Variants in GPT2 observed in about 807,000 individuals in gnomAD.
The protein encoded by GPT2 is alanine aminotransferase 2.
In GPT2, 30 loss-of-function variants were observed where a neutral mutation model predicts 56.9. The observed-to-expected ratio is 0.53, with a 90% confidence interval of 0.39 to 0.72. GPT2 has a LOEUF of 0.72. Ranked by LOEUF, GPT2 falls within the 30% of genes least tolerant of loss-of-function variation. GPT2 has a pLI of 0.00. For missense variants in GPT2, 542 were observed against 703.4 expected (o/e 0.77, Z 2.60); for synonymous variants, 271 against 283.1 (o/e 0.96, Z 0.43).
Position 46,930,078 on chromosome 16 carries a change from G to A in GPT2, c.*1081G>A, listed in dbSNP as rs1244295678. The A allele has an allele frequency of 1.3e-5, 2 of 153,172 alleles. No individual in the cohort carries two copies. Among genetic ancestry groups the A allele is most frequent in the Non-Finnish European group, 1.5e-5 (1 of 68,124 alleles). The allele number at this position is 153,172 out of a possible 1,614,324, so 9.5% of individuals were successfully genotyped here. ...CTTGGCTGCCGTGGAGGAGTCAGTC[G>A]TGGTTGGAGGTTCATTGCCGTGCTT... On this transcript the variant is annotated 3_prime_UTR_variant, in exon 12 of 12. Coordinates refer to ENST00000340124, the MANE Select transcript of GPT2 (RefSeq NM_133443.4).
intron 3 of GPT2, among the ~76,000 whole-genome samples, chr16:46,898,296 C>T (rs1347529551): frequency 6.6e-6 from 1 of 152,290 alleles, no homozygotes; most frequent in South Asian, 2.1e-4. Context: ...CACTGTGAGC[C>T]GCTGCACCCC....
In GPT2 at chr16:46,901,623, C is replaced by T. The variant is rs558280161; in HGVS notation, c.442+833C>T. ...CCTAGGATATGAGCCCTGATGTTCC[C>T]GAAAGTGGAGCTGAGGGTGGGGACA... On this transcript the variant is annotated intron_variant, in intron 4 of 11. Coordinates refer to ENST00000340124, the MANE Select transcript of GPT2 (RefSeq NM_133443.4). Among the ~76,000 whole-genome samples, 6 of 152,332 alleles carry T rather than the reference C, an allele frequency of 3.9e-5. No individual in the cohort carries two copies. The East Asian group carries it at 7.7e-4, about 20-fold the overall frequency.
chr16:46,891,092 C>T (rs184230260), intron 2 of GPT2, among the ~76,000 whole-genome samples: 93 of 152,088 alleles, frequency 6.1e-4, no homozygotes, highest in African/African-American at 2.2e-3. Flanking sequence ...AGGCGGGTCT[C>T]GACCTCCCAA....
Position 46,899,035 on chromosome 16 carries a change from ATT to A in GPT2, c.333+1310_333+1311del, listed in dbSNP as rs1188592006. Among the ~76,000 whole-genome samples, 33 of 77,176 alleles carry A rather than the reference ATT, an allele frequency of 4.3e-4. 1 individual carries two copies. The highest frequency in any genetic ancestry group is 3.0e-3 in the African/African-American group (33 of 11,106). 50.6% of individuals were successfully genotyped at this position (77,176 alleles called of 152,430 possible). A position where few individuals can be genotyped will look rare whatever the true frequency, so the allele number is the denominator to read the frequency against. On this transcript the variant is annotated intron_variant, in intron 3 of 11. Transcript: ENST00000340124. ...TATATATATATATATATATATATATATTTTTTTTTTTTTAGAGACAGAGTCTT... is the reference window on the plus strand; with the variant it reads ...TATATATATATATATATATATATATATTTTTTTTTTTAGAGACAGAGTCTT...
chr16:46,903,217 C>A (rs1236835047), intron 4 of GPT2, among the ~76,000 whole-genome samples: 1 of 151,864 alleles, frequency 6.6e-6, no homozygotes, highest in Admixed American at 6.6e-5. Flanking sequence ...CCATTGCACT[C>A]CAGCCTGGGT....
chr16:46,886,778 T>C (rs1307601812), intron 2 of GPT2, among the ~76,000 whole-genome samples: 1 of 152,210 alleles, frequency 6.6e-6, no homozygotes, highest in South Asian at 2.1e-4. Context: ...GGGGTGTGTA[T>C]TGATGATTGC....
intron 9 of GPT2, 45 bp downstream of exon 9, chr16:46,922,461 G>A (rs369433800): frequency 3.7e-5 from 57 of 1,536,742 alleles, no homozygotes; most frequent in Middle Eastern, 1.8e-4. Context: ...CCGGGGTCAC[G>A]AGAGTTCCTG....
At chr16:46,896,680 A>G (rs1960691525) in intron 2 of GPT2, among the ~76,000 whole-genome samples, 1 of 151,694 alleles carries the variant, frequency 6.6e-6, no homozygotes, top group Non-Finnish European at 1.5e-5. Context: ...TCTGCTGCTG[A>G]CCCCTGCCTC....
intron 7 of GPT2, among the ~76,000 whole-genome samples, chr16:46,917,417 G>A (rs374994630): frequency 3.3e-5 from 5 of 152,102 alleles, no homozygotes; most frequent in African/African-American, 1.2e-4. Flanking sequence ...GCCTCCCAGC[G>A]CTTCTGTATC....
intron 3 of GPT2, 79 bp from the exon 4 acceptor site, chr16:46,900,603 C>A: frequency 9.2e-7 from 1 of 1,091,988 alleles, no homozygotes; most frequent in Non-Finnish European, 1.4e-6. Context: ...AGCTGTCATC[C>A]TCCCAGTGGC....
At chr16:46,895,156 C>A (rs1156591292) in intron 2 of GPT2, among the ~76,000 whole-genome samples, 1 of 152,120 alleles carries the variant, frequency 6.6e-6, no homozygotes, top group East Asian at 1.9e-4. Context: ...AGGGGTGGCA[C>A]ACTAGGGCCA....
chr16:46,889,219 G>T (rs1300435414), intron 2 of GPT2, among the ~76,000 whole-genome samples: 2 of 148,862 alleles, frequency 1.3e-5, no homozygotes, highest in Admixed American at 6.7e-5. Flanking sequence ...TGTAGAGACA[G>T]GGTTTGCCAT....
intron 8 of GPT2, among the ~76,000 whole-genome samples, chr16:46,920,463 C>T (rs1423950786): frequency 6.6e-6 from 1 of 152,206 alleles, no homozygotes; most frequent in Non-Finnish European, 1.5e-5. Context: ...TGGGCCTGGG[C>T]CCCCACTGCT....
chr16:46,912,816 C>A (rs1161624822), intron 6 of GPT2, among the ~76,000 whole-genome samples: 1 of 152,194 alleles, frequency 6.6e-6, no homozygotes, highest in East Asian at 1.9e-4. Context: ...TCCCACTAGA[C>A]CCACCTCCAA....
intron 6 of GPT2, chr16:46,916,411 TGAG>T: frequency 3.8e-6 from 2 of 528,568 alleles, no homozygotes; most frequent in Non-Finnish European, 6.9e-6. Flanking sequence ...CATAACTGGC[TGAG>T]GAGAGTCAGA....
Position 46,926,921 on chromosome 16 carries a change from A to G in GPT2, c.1369-4A>G, listed in dbSNP as rs1396056593. ...ATGATCATGAGCTCTGTCTGCTCCC[A>G]TAGGCCCATCAAATGGCTCCAGACA... On this transcript the variant is annotated splice_region_variant and splice_polypyrimidine_tract_variant and intron_variant, in intron 10 of 11. Transcript: ENST00000340124. The G allele has an allele frequency of 1.9e-6, 3 of 1,563,918 alleles. No individual in the cohort carries two copies. In the Admixed American group the frequency reaches 5.9e-5, roughly 31 times the overall value.
intron 10 of GPT2, 150 bp downstream of exon 10, chr16:46,924,694 A>T: frequency 2.5e-6 from 2 of 805,808 alleles, no homozygotes; most frequent in Non-Finnish European, 4.0e-6. Flanking sequence ...TGACCGTGTA[A>T]AGATGACAGG....
intron 9 of GPT2, chr16:46,923,744 C>T (rs917255536): frequency 1.3e-5 from 2 of 157,480 alleles, no homozygotes; most frequent in African/African-American, 2.4e-5. Flanking sequence ...CTTGCTCTGC[C>T]TGGGTCCTGT....
intron 2 of GPT2, among the ~76,000 whole-genome samples, chr16:46,887,030 C>T (rs2143318726): frequency 6.6e-6 from 1 of 152,324 alleles, no homozygotes; most frequent in Middle Eastern, 3.4e-3. Context: ...TCTTGGGAGA[C>T]AGCCTTGCTT....
Sources: allele counts gnomAD v4.1 joint callset (sites outside exome capture counted in the v4.1 genomes callset), GRCh38; gene constraint gnomAD v4.1.1; transcripts MANE v1.5; gene names NCBI Gene and HGNC (gene_info 2026-07-23, HGNC 2026-07-21).